FIGLA: variants seen among roughly 807,000 people sequenced by gnomAD.
FIGLA encodes the protein factor in the germline alpha.
A neutral mutation model predicts 21.5 loss-of-function variants in FIGLA; 17 were observed. That is an observed-to-expected ratio of 0.79 (90% CI 0.54 to 1.19). FIGLA has a LOEUF of 1.19. Ranked by LOEUF, FIGLA falls within the 50% of genes most tolerant of loss-of-function variation. The probability of loss-of-function intolerance (pLI) is 0.00; values close to 1 mark genes in which losing one functional copy is unlikely to be tolerated. For synonymous variants in FIGLA, 129 were observed against 117.6 expected (o/e 1.10, Z -0.63); for missense variants, 282 against 285.0 (o/e 0.99, Z 0.08).
chr2:70,781,993 G>A (rs781889479), intron 3 of FIGLA, among the ~76,000 whole-genome samples: 1 of 152,132 alleles, frequency 6.6e-6, no homozygotes, highest in Non-Finnish European at 1.5e-5. Flanking sequence ...CAACCATTGC[G>A]GAAAACTGGG....
chr2:70,785,045 G>A (rs1675921609), intron 3 of FIGLA, among the ~76,000 whole-genome samples: 1 of 151,928 alleles, frequency 6.6e-6, no homozygotes, highest in Non-Finnish European at 1.5e-5. Context: ...CCTTTTGATG[G>A]GTTAAATAGG....
chr2:70,781,148 G>A (rs1020876624), intron 3 of FIGLA, among the ~76,000 whole-genome samples: 1 of 152,182 alleles, frequency 6.6e-6, no homozygotes, highest in Admixed American at 6.5e-5. Flanking sequence ...GGCGTGGAAC[G>A]TCAGAGCCAA....
intron 3 of FIGLA, among the ~76,000 whole-genome samples, chr2:70,783,056 C>CAAAA (rs60009932): frequency 8.0e-6 from 1 of 124,306 alleles, no homozygotes; most frequent in Non-Finnish European, 1.8e-5. Context: ...GACTCTGTCT[C>CAAAA]AAAAAAAAAA....
Position 70,787,630 on chromosome 2 carries a change from T to C in FIGLA, c.384+19A>G, listed in dbSNP as rs782723662. ...TAATAAATGGTGGCTATCATTATTC[T>C]AAAATCTTACACCTTTACCTTTGAG... is the stretch of plus-strand genomic sequence containing the variant. On this transcript the variant is annotated intron_variant, in intron 2 of 4. Transcript: ENST00000332372. 6 of 1,551,444 alleles carry C rather than the reference T, an allele frequency of 3.9e-6. No individual in the cohort carries two copies. Among genetic ancestry groups the C allele is most frequent in the South Asian group, 1.2e-5 (1 of 84,018 alleles).
chr2:70,779,349 T>G (rs1675815444), intron 3 of FIGLA, among the ~76,000 whole-genome samples: 1 of 152,152 alleles, frequency 6.6e-6, no homozygotes, highest in African/African-American at 2.4e-5. Context: ...TGACTGTGCT[T>G]CTCAAGCAAA....
intron 3 of FIGLA, among the ~76,000 whole-genome samples, chr2:70,780,465 G>C (rs1277900217): frequency 1.3e-5 from 2 of 152,136 alleles, no homozygotes; most frequent in Non-Finnish European, 2.9e-5. Flanking sequence ...ACCGCTTCAG[G>C]AAAGCTGGGC....
Position 70,787,787 on chromosome 2 carries a change from G to A in FIGLA, c.246C>T (p.Asn82=). ...GTGCCTTCAATCTGGCAAAACCACGGTTGAGATTTTTTATCTAGAAAACAA... is the reference window on the plus strand; with the variant it reads ...GTGCCTTCAATCTGGCAAAACCACGATTGAGATTTTTTATCTAGAAAACAA... ...AKERERIKNL[N]RGFARLKALV... The change falls in exon 2 of 5, where the codon AAC becomes AAT. Residue 82 remains asparagine, a synonymous_variant. Transcript: ENST00000332372. 3 of 1,612,144 alleles carry A rather than the reference G, an allele frequency of 1.9e-6. No homozygotes were observed. Among genetic ancestry groups the A allele is most frequent in the Non-Finnish European group, 2.5e-6 (3 of 1,179,480 alleles).
chr2:70,785,776 A>G, intron 2 of FIGLA, 137 bp from the exon 3 acceptor site: 1 of 702,370 alleles, frequency 1.4e-6, no homozygotes, highest in Non-Finnish European at 2.5e-6. Flanking sequence ...TTATGGAGAG[A>G]AAAGCATTGT....
chr2:70,784,809 A>C (rs1553389616), intron 3 of FIGLA, among the ~76,000 whole-genome samples: 1 of 152,160 alleles, frequency 6.6e-6, no homozygotes, highest in Admixed American at 6.5e-5. Flanking sequence ...GCAAGGGCAA[A>C]AAGTCCACTT....
chr2:70,779,063 A>G (rs1675810894), intron 3 of FIGLA, among the ~76,000 whole-genome samples: 1 of 152,118 alleles, frequency 6.6e-6, no homozygotes, highest in African/African-American at 2.4e-5. Flanking sequence ...CAGCCCCTAA[A>G]TCCCCAAAGT....
At position 70,786,320 on chromosome 2, in the gene FIGLA, G is replaced by C. The variant is rs560763237; in HGVS notation, c.385-681C>G. Among the ~76,000 whole-genome samples, 139 of 150,868 alleles carry C rather than the reference G, an allele frequency of 9.2e-4. 1 individual carries two copies. Among genetic ancestry groups the C allele is most frequent in the African/African-American group, 2.9e-3 (118 of 41,078 alleles). ...GACTTCTAGGTTTTCTTTTTTTTGG[G>C]GGGGGACAGAGTCTCGCTCTGTTGC... On this transcript the variant is annotated intron_variant, in intron 2 of 4. Coordinates refer to ENST00000332372, the MANE Select transcript of FIGLA (RefSeq NM_001004311.3).
At chr2:70,777,409 A>C in intron 4 of FIGLA, 27 bp from the exon 5 acceptor site, 1 of 1,436,416 alleles carries the variant, frequency 7.0e-7, no homozygotes, top group South Asian at 1.4e-5. Context: ...ATTCCATTAT[A>C]AATAGTTAAA....
Position 70,781,928 on chromosome 2 carries a change from G to A in FIGLA, c.609+3487C>T, listed in dbSNP as rs114631662. Reference sequence around the variant, plus strand: ...TAAAACAACATACAACTATGCATACGTGGTACCAATGTCAGTTTCCCAGTT... The same window carrying A: ...TAAAACAACATACAACTATGCATACATGGTACCAATGTCAGTTTCCCAGTT... On this transcript the variant is annotated intron_variant, in intron 3 of 4. Transcript: ENST00000332372. Among the ~76,000 whole-genome samples the A allele has an allele frequency of 4.4e-3, 665 of 152,264 alleles. 2 individuals are homozygous for A. Among genetic ancestry groups the A allele is most frequent in the African/African-American group, 0.015 (637 of 41,544 alleles).
Position 70,790,606 on chromosome 2 carries a change from G to T in FIGLA, c.33C>A (p.Arg11=). 6.8e-7 allele frequency: 1 copy of T among 1,466,684 alleles called. No individual in the cohort carries two copies. Among genetic ancestry groups the T allele is most frequent in the Non-Finnish European group, 9.0e-7 (1 of 1,115,570 alleles). The allele number at this position is 1,466,684 out of a possible 1,614,324, so 90.9% of individuals were successfully genotyped here. Residue 11 remains arginine, a synonymous_variant, in exon 1 of 5, where the codon CGC becomes CGA. Coordinates refer to ENST00000332372, the MANE Select transcript of FIGLA (RefSeq NM_001004311.3). MDPAPGVLDP[R]AAPPALLGTP... ...TGCCCAGGAGCGCGGGCGGCGCGGC[G>T]CGGGGATCTAGGACGCCGGGCGCGG... is the stretch of plus-strand genomic sequence containing the variant.
chr2:70,780,109 C>G (rs1553388894), intron 3 of FIGLA, among the ~76,000 whole-genome samples: 1 of 152,194 alleles, frequency 6.6e-6, no homozygotes, highest in Admixed American at 6.5e-5. Flanking sequence ...CCCGAGTGAA[C>G]TTCTGGGGCT....
rs782704018 is a variant in FIGLA, at chr2:70,787,775, G to A, written c.258C>T (p.Ala86=). The A allele has an allele frequency of 3.1e-6, 5 of 1,612,500 alleles. No individual in the cohort carries two copies. Among genetic ancestry groups the A allele is most frequent in the Non-Finnish European group, 4.2e-6 (5 of 1,179,558 alleles). ...ERIKNLNRGF[A]RLKALVPFLP... is the part of the protein sequence containing the mutation. ...GAAATGGCACAAGTGCCTTCAATCTGGCAAAACCACGGTTGAGATTTTTTA... is the reference window on the plus strand; with the variant it reads ...GAAATGGCACAAGTGCCTTCAATCTAGCAAAACCACGGTTGAGATTTTTTA... The change falls in exon 2 of 5, where the codon GCC becomes GCT. Residue 86 remains alanine (A), a synonymous_variant. Transcript: ENST00000332372.
chr2:70,787,929 C>G, intron 1 of FIGLA, 128 bp from the exon 2 acceptor site: 1 of 891,272 alleles, frequency 1.1e-6, no homozygotes, highest in Non-Finnish European at 1.7e-6. Context: ...GCATATGCCC[C>G]AAAGAGTCAG....
At position 70,785,419 on chromosome 2, in the gene FIGLA, C is replaced by G; in HGVS notation, c.605G>C (p.Ser202Thr). The stretch of plus-strand genomic sequence containing the variant: ...ATTTAAGAAGGAATATTTTACCAGA[C>G]TTCTGGTTGGGGAGATAATTTCAGT... ...STTEIISPTR[S>T]LDRFPEVELL... Residue 202 changes from serine (S) to threonine (T), a missense_variant, in exon 3 of 5, where the codon AGT becomes ACT. By Grantham distance (58) the Ser-to-Thr change is moderately conservative. Transcript: ENST00000332372. 1 of 1,609,360 alleles carries G rather than the reference C, an allele frequency of 6.2e-7. No individual in the cohort carries two copies. Among genetic ancestry groups the G allele is most frequent in the Non-Finnish European group, 8.5e-7 (1 of 1,176,044 alleles).
chr2:70,788,048 CTCT>C (rs1675989572), intron 1 of FIGLA, among the ~76,000 whole-genome samples: 1 of 152,196 alleles, frequency 6.6e-6, no homozygotes, highest in South Asian at 2.1e-4. Context: ...GAGCTCACTC[CTCT>C]TCTTTTGAGA....
Sources: allele counts gnomAD v4.1 joint callset (sites outside exome capture counted in the v4.1 genomes callset), GRCh38; gene constraint gnomAD v4.1.1; transcripts MANE v1.5; gene names NCBI Gene and HGNC (gene_info 2026-07-23, HGNC 2026-07-21).